Variants in LRRTM4 observed in about 807,000 individuals in gnomAD.
LRRTM4 encodes the protein leucine rich repeat transmembrane neuronal 4, also known as leucine-rich repeat transmembrane neuronal protein 4.
A neutral mutation model predicts 47.6 loss-of-function variants in LRRTM4; 25 were observed. The ratio of observed to expected loss-of-function variants is 0.53; its 90% confidence interval spans 0.38 to 0.73. The LOEUF (loss-of-function observed/expected upper bound fraction) is 0.73. Among genes scored for constraint, LRRTM4 ranks in the 30% least tolerant of loss-of-function variants. LRRTM4 has a pLI of 0.00. For missense variants in LRRTM4, 638 were observed against 713.4 expected (o/e 0.89, Z 1.20); for synonymous variants, 311 against 269.5 (o/e 1.15, Z -1.51).
chr2:77,218,426 A>C (rs1674520087), intron 3 of LRRTM4, among the ~76,000 whole-genome samples: 1 of 152,132 alleles, frequency 6.6e-6, no homozygotes, highest in Non-Finnish European at 1.5e-5. Context: ...ACAAGAGTAG[A>C]GAAGAAAAAG....
At chr2:77,035,527 T>C (rs1249466311) in intron 3 of LRRTM4, among the ~76,000 whole-genome samples, 1 of 151,956 alleles carries the variant, frequency 6.6e-6, no homozygotes, top group Non-Finnish European at 1.5e-5. Context: ...TTTCATTTTT[T>C]AAATTAAAAT....
At chr2:76,794,047 T>C (rs920222182) in intron 3 of LRRTM4, among the ~76,000 whole-genome samples, 1 of 152,148 alleles carries the variant, frequency 6.6e-6, no homozygotes, top group African/African-American at 2.4e-5. Flanking sequence ...GCTAGGGAAG[T>C]CCAACCAGGA....
chr2:77,355,185 A>T (rs1231049064), intron 3 of LRRTM4, among the ~76,000 whole-genome samples: 1 of 152,218 alleles, frequency 6.6e-6, no homozygotes, highest in Non-Finnish European at 1.5e-5. Flanking sequence ...CCATATGTAT[A>T]TGTAGGTAAG....
At chr2:77,066,907 A>T (rs914803119) in intron 3 of LRRTM4, among the ~76,000 whole-genome samples, 2 of 152,168 alleles carry the variant, frequency 1.3e-5, no homozygotes, top group Admixed American at 1.3e-4. Context: ...TGGCAGAGAG[A>T]GCGGGGCTGA....
At chr2:77,195,910 A>T (rs1287678196) in intron 3 of LRRTM4, among the ~76,000 whole-genome samples, 1 of 152,124 alleles carries the variant, frequency 6.6e-6, no homozygotes, top group Non-Finnish European at 1.5e-5. Flanking sequence ...TAGAAGAGGT[A>T]GTATTTAAAA....
chr2:76,873,550 A>G (rs1672699312), intron 3 of LRRTM4, among the ~76,000 whole-genome samples: 2 of 143,680 alleles, frequency 1.4e-5, no homozygotes, highest in South Asian at 4.4e-4. Context: ...TAGTTGTAAA[A>G]TCAACTTTGG....
chr2:76,942,807 A>T (rs1245055714), intron 3 of LRRTM4, among the ~76,000 whole-genome samples: 1 of 152,062 alleles, frequency 6.6e-6, no homozygotes, highest in Non-Finnish European at 1.5e-5. Context: ...GGTACTAAAT[A>T]CATATTAATT....
At chr2:77,064,819 G>A (rs958123146) in intron 3 of LRRTM4, among the ~76,000 whole-genome samples, 1 of 152,088 alleles carries the variant, frequency 6.6e-6, no homozygotes, top group Admixed American at 6.5e-5. Flanking sequence ...TCTGGGCCGT[G>A]CTTTTTTCGT....
intron 3 of LRRTM4, among the ~76,000 whole-genome samples, chr2:77,097,288 G>A (rs1269998766): frequency 1.3e-5 from 2 of 151,706 alleles, no homozygotes; most frequent in African/African-American, 4.8e-5. Flanking sequence ...CCATTATTTT[G>A]GAATTTCAAT....
At chr2:77,464,926 C>A (rs1225331555) in intron 3 of LRRTM4, among the ~76,000 whole-genome samples, 1 of 152,132 alleles carries the variant, frequency 6.6e-6, no homozygotes, top group Admixed American at 6.6e-5. Flanking sequence ...TTAAAATATT[C>A]TGTGCCAATA....
At chr2:76,901,034 GT>G (rs200973365) in intron 3 of LRRTM4, among the ~76,000 whole-genome samples, 1 of 152,010 alleles carries the variant, frequency 6.6e-6, no homozygotes, top group Admixed American at 6.6e-5. Flanking sequence ...GAGAAAAATT[GT>G]TTTTTTAATT....
At chr2:77,504,977 AT>A (rs1678713535) in intron 3 of LRRTM4, among the ~76,000 whole-genome samples, 1 of 151,440 alleles carries the variant, frequency 6.6e-6, no homozygotes, top group African/African-American at 2.4e-5. Context: ...TAGTTTATAC[AT>A]TTCAAGGGAA....
intron 3 of LRRTM4, among the ~76,000 whole-genome samples, chr2:76,783,986 TAAAC>T (rs989664139): frequency 1.3e-4 from 20 of 152,154 alleles, no homozygotes; most frequent in Non-Finnish European, 2.8e-4. Flanking sequence ...GTTTGAATGT[TAAAC>T]AGAGTTGCTA....
At chr2:76,766,772 T>A (rs1360087709) in intron 3 of LRRTM4, among the ~76,000 whole-genome samples, 1 of 152,170 alleles carries the variant, frequency 6.6e-6, no homozygotes, top group Non-Finnish European at 1.5e-5. Context: ...CTGGAGACAT[T>A]TTTGGTTGTG....
intron 3 of LRRTM4, among the ~76,000 whole-genome samples, chr2:77,329,157 G>A (rs1406774029): frequency 2.6e-5 from 4 of 152,196 alleles, no homozygotes; most frequent in African/African-American, 9.7e-5. Context: ...AGTCTGTGGT[G>A]TTTCAGTTAC....
At chr2:76,804,446 C>T (rs1675859138) in intron 3 of LRRTM4, among the ~76,000 whole-genome samples, 1 of 151,872 alleles carries the variant, frequency 6.6e-6, no homozygotes, top group Admixed American at 6.6e-5. Flanking sequence ...GATTATTCAC[C>T]ATACAGGACT....
intron 3 of LRRTM4, among the ~76,000 whole-genome samples, chr2:76,816,818 A>ATTT: frequency 3.2e-5 from 1 of 30,896 alleles, no homozygotes; most frequent in African/African-American, 8.8e-5. Flanking sequence ...AGAGGTAAAG[A>ATTT]GTTTTTTTTT....
At chr2:76,806,350 G>C (rs1170996305) in intron 3 of LRRTM4, among the ~76,000 whole-genome samples, 2 of 152,146 alleles carry the variant, frequency 1.3e-5, no homozygotes, top group African/African-American at 2.4e-5. Flanking sequence ...GGGAGTCTGA[G>C]GATGGTGGAT....
At chr2:77,085,014 G>T (rs1680663500) in intron 3 of LRRTM4, among the ~76,000 whole-genome samples, 1 of 152,052 alleles carries the variant, frequency 6.6e-6, no homozygotes, top group Non-Finnish European at 1.5e-5. Flanking sequence ...TGCTTATAAT[G>T]CAACAATGGA....
Sources: gnomAD v4.1 joint callset for allele counts (sites outside exome capture counted in the v4.1 genomes callset) on GRCh38, gnomAD v4.1.1 for gene constraint, MANE v1.5 for transcripts, NCBI Gene and HGNC (gene_info 2026-07-23, HGNC 2026-07-21) for gene names.